The following INTS13 variants were observed in gnomAD, a reference collection of about 807,000 sequenced individuals.
INTS13 encodes integrator complex subunit 13, also known as asunder, spermatogenesis regulator homolog (Drosphila).
In INTS13, 35 loss-of-function variants were observed where a neutral mutation model predicts 90.2. The ratio of observed to expected loss-of-function variants is 0.39; its 90% confidence interval spans 0.30 to 0.51. The LOEUF (loss-of-function observed/expected upper bound fraction) is 0.51. Ranked by LOEUF, INTS13 falls within the 20% of genes least tolerant of loss-of-function variation. The probability of loss-of-function intolerance (pLI) is 0.80; values close to 1 mark genes in which losing one functional copy is unlikely to be tolerated. For missense variants in INTS13, 601 were observed against 851.2 expected (o/e 0.71, Z 3.66); for synonymous variants, 309 against 277.1 (o/e 1.11, Z -1.14).
chr12:26,905,631 T>C (rs1484099706), intron 16 of INTS13, 95 bp from the exon 17 acceptor site: 3 of 1,201,940 alleles, frequency 2.5e-6, no homozygotes, highest in Non-Finnish European at 3.6e-6. Flanking sequence ...AAATAATATA[T>C]TCACAGAACA....
At chr12:26,924,211 T>G (rs977418332) in intron 7 of INTS13, 144 bp downstream of exon 7, 14 of 708,130 alleles carry the variant, frequency 2.0e-5, no homozygotes, top group Non-Finnish European at 2.9e-5. Flanking sequence ...CAGACTGGTC[T>G]CAAACTCCTG....
Position 26,913,485 on chromosome 12 carries a change from G to T in INTS13, c.1777C>A (p.Gln593Lys). 6.2e-7 allele frequency: 1 copy of T among 1,614,052 alleles called. No homozygotes were observed. The highest frequency in any genetic ancestry group is 8.5e-7 in the Non-Finnish European group (1 of 1,179,990). The change falls in exon 14 of 17, where the codon CAG becomes AAG. Residue 593 changes from glutamine to lysine, a missense_variant. Coordinates refer to ENST00000261191, the MANE Select transcript of INTS13 (RefSeq NM_018164.3). ...TCTGAGTCTTGCCAAGACTTTTCCT[G>T]TTCATAATCTTTCACTGCTTTCTCT... Reference protein sequence around the residue: ...KSEKAVKDYEQEKSWQDSERL... With the variant: ...KSEKAVKDYEKEKSWQDSERL...
chr12:26,925,156 CTT>C (rs1339362085), intron 6 of INTS13, among the ~76,000 whole-genome samples: 8 of 152,074 alleles, frequency 5.3e-5, no homozygotes, highest in Non-Finnish European at 1.2e-4. Flanking sequence ...AAAAATACCA[CTT>C]AACTACAAAA....
At chr12:26,908,614 A>G (rs531744019) in intron 15 of INTS13, among the ~76,000 whole-genome samples, 1 of 152,216 alleles carries the variant, frequency 6.6e-6, no homozygotes, top group South Asian at 2.1e-4. Flanking sequence ...CATTTGGAAT[A>G]GCCTAGCCTT....
Position 26,914,011 on chromosome 12 carries a change from T to C in INTS13, c.1537A>G (p.Ile513Val), listed in dbSNP as rs2137435644. 1 of 1,610,656 alleles carries C rather than the reference T, an allele frequency of 6.2e-7. No homozygotes were observed. The highest frequency in any genetic ancestry group is 8.5e-7 in the Non-Finnish European group (1 of 1,179,088). Residue 513 changes from isoleucine to valine, a missense_variant, in exon 13 of 17, where the codon ATT becomes GTT. By Grantham distance (29) the Ile-to-Val change is conservative. Coordinates refer to ENST00000261191, the MANE Select transcript of INTS13 (RefSeq NM_018164.3). Reference protein sequence around the residue: ...DMERKNDPLPISTVGTRGKGP... With the variant: ...DMERKNDPLPVSTVGTRGKGP... ...TTTCCTCTTGTACCAACTGTGGAAATAGGTAGAGGATCATTTTTTCTTTCC... is the reference window on the plus strand; with the variant it reads ...TTTCCTCTTGTACCAACTGTGGAAACAGGTAGAGGATCATTTTTTCTTTCC...
At chr12:26,915,047 T>C (rs539334022) in intron 11 of INTS13, among the ~76,000 whole-genome samples, 1 of 152,182 alleles carries the variant, frequency 6.6e-6, no homozygotes, top group East Asian at 1.9e-4. Flanking sequence ...GCCAACATGG[T>C]GAAACCCCAT....
intron 14 of INTS13, among the ~76,000 whole-genome samples, chr12:26,912,298 A>G (rs1028450813): frequency 1.8e-4 from 28 of 152,238 alleles, no homozygotes; most frequent in African/African-American, 6.5e-4. Context: ...TTGGCCAGGC[A>G]TGGTGGCACA....
At chr12:26,917,602 AC>A (rs745308840) in intron 9 of INTS13, 41 bp downstream of exon 9, 1 of 1,547,326 alleles carries the variant, frequency 6.5e-7, no homozygotes, top group Non-Finnish European at 8.9e-7. Flanking sequence ...TACCTTAAGA[AC>A]CTTTTGATTT....
chr12:26,933,363 G>C (rs945351019), intron 3 of INTS13, among the ~76,000 whole-genome samples: 2 of 152,096 alleles, frequency 1.3e-5, no homozygotes, highest in African/African-American at 2.4e-5. Flanking sequence ...CAATGGATGA[G>C]AACAGACCAA....
Position 26,905,189 on chromosome 12 carries a change from T to G in INTS13, c.*308A>C, listed in dbSNP as rs1006655462. On this transcript the variant is annotated 3_prime_UTR_variant, in exon 17 of 17. Transcript: ENST00000261191. ...AAAGTAATTCTCCAATGTTTTGCAT[T>G]TCAAATATTTTAATAGTTTTATTTC... 8.4e-6 allele frequency: 2 copies of G among 237,246 alleles called. No individual in the cohort carries two copies. The highest frequency in any genetic ancestry group is 4.5e-5 in the African/African-American group (2 of 44,052). 14.7% of individuals were successfully genotyped at this position (237,246 alleles called of 1,614,324 possible).
Position 26,918,513 on chromosome 12 carries a change from G to T in INTS13, c.890-780C>A, listed in dbSNP as rs1440756067. ...TCATTGCACTGAAAGTCAATAGCAA[G>T]AATTTAAAAAATCTCAAGCATCTAC... On this transcript the variant is annotated intron_variant, in intron 8 of 16. Coordinates refer to ENST00000261191, the MANE Select transcript of INTS13 (RefSeq NM_018164.3). 2.0e-5 allele frequency among the ~76,000 whole-genome samples: 3 copies of T among 152,274 alleles called. No individual in the cohort carries two copies. In the East Asian group the frequency reaches 5.8e-4, roughly 29 times the overall value.
intron 15 of INTS13, among the ~76,000 whole-genome samples, chr12:26,910,117 G>A (rs982174768): frequency 6.6e-6 from 1 of 152,084 alleles, no homozygotes; most frequent in Non-Finnish European, 1.5e-5. Flanking sequence ...GAGATTAAGA[G>A]GCTTTACAGT....
chr12:26,909,472 C>CCTTTTTTTTTTT (rs1555203797), intron 15 of INTS13, among the ~76,000 whole-genome samples: 1 of 127,076 alleles, frequency 7.9e-6, no homozygotes, highest in Non-Finnish European at 1.6e-5. Context: ...AGATAATACT[C>CCTTTTTTTTTTT]TTTTTTTTTT....
intron 14 of INTS13, among the ~76,000 whole-genome samples, chr12:26,913,214 G>C (rs1257385444): frequency 1.3e-5 from 2 of 152,114 alleles, no homozygotes; most frequent in East Asian, 3.9e-4. Context: ...CATGCATTAT[G>C]ATTTTCAGAA....
At chr12:26,911,776 TAG>T (rs1491324560) in intron 14 of INTS13, among the ~76,000 whole-genome samples, 2 of 152,186 alleles carry the variant, frequency 1.3e-5, no homozygotes, top group Non-Finnish European at 2.9e-5. Context: ...TCTAAACTTT[TAG>T]AGTTTCATCA....
At chr12:26,916,279 A>C (rs540662395) in intron 10 of INTS13, 99 bp from the exon 11 acceptor site, 1 of 1,104,952 alleles carries the variant, frequency 9.1e-7, no homozygotes, top group Non-Finnish European at 1.3e-6. Flanking sequence ...TTATTTATTG[A>C]TCCCCGTATT....
intron 15 of INTS13, among the ~76,000 whole-genome samples, chr12:26,909,577 T>C (rs986009946): frequency 2.0e-5 from 3 of 151,816 alleles, no homozygotes; most frequent in Non-Finnish European, 4.4e-5. Flanking sequence ...TAATACTCCT[T>C]AGAGTTCTAT....
At chr12:26,933,108 T>A (rs1398912994) in intron 3 of INTS13, among the ~76,000 whole-genome samples, 1 of 152,050 alleles carries the variant, frequency 6.6e-6, no homozygotes, top group Non-Finnish European at 1.5e-5. Flanking sequence ...AGAGTATAAG[T>A]CAAAGTTCTT....
At chr12:26,910,270 A>G (rs565435634) in intron 15 of INTS13, among the ~76,000 whole-genome samples, 8 of 152,230 alleles carry the variant, frequency 5.3e-5, no homozygotes, top group Non-Finnish European at 1.2e-4. Flanking sequence ...CTCTTACTAT[A>G]GTATCAGGAA....
Sources: allele counts gnomAD v4.1 joint callset (sites outside exome capture counted in the v4.1 genomes callset), GRCh38; gene constraint gnomAD v4.1.1; transcripts MANE v1.5; gene names NCBI Gene and HGNC (gene_info 2026-07-23, HGNC 2026-07-21).